NAV3: variants seen among roughly 807,000 people sequenced by gnomAD.
NAV3 encodes the protein neuron navigator 3.
A neutral mutation model predicts 244.7 loss-of-function variants in NAV3; 87 were observed. The observed-to-expected ratio is 0.36, with a 90% CI of 0.30 to 0.42. The LOEUF (loss-of-function observed/expected upper bound fraction) is 0.42, where lower values mean the gene tolerates loss of function less well. Ranked by LOEUF, NAV3 falls within the 20% of genes least tolerant of loss-of-function variation. The probability of loss-of-function intolerance (pLI) is 1.00; values close to 1 mark genes in which losing one functional copy is unlikely to be tolerated. For missense variants in NAV3, 2,663 were observed against 2,893.3 expected (o/e 0.92, Z 1.83); for synonymous variants, 1,126 against 1,042.2 (o/e 1.08, Z -1.55).
intron 9 of NAV3, chr12:78,036,570 G>A (rs1004703329): frequency 1.5e-5 from 4 of 258,066 alleles, no homozygotes; most frequent in Non-Finnish European, 3.0e-5. Context: ...GGCAAACGTA[G>A]TTGGCTTCCT....
chr12:77,712,350 C>T (rs564719933), intron 2 of NAV3, among the ~76,000 whole-genome samples: 2 of 152,094 alleles, frequency 1.3e-5, no homozygotes, highest in Non-Finnish European at 2.9e-5. Context: ...ATTTATTCTC[C>T]TTGTGAGAAT....
intron 5 of NAV3, among the ~76,000 whole-genome samples, chr12:77,993,224 T>C (rs1229666416): frequency 2.0e-5 from 3 of 152,174 alleles, no homozygotes; most frequent in Non-Finnish European, 4.4e-5. Context: ...AAATATATTG[T>C]TTCATTGTCA....
intron 2 of NAV3, among the ~76,000 whole-genome samples, chr12:77,778,576 C>T (rs1024330617): frequency 6.8e-6 from 1 of 147,402 alleles, no homozygotes; most frequent in Non-Finnish European, 1.5e-5. Context: ...CGCGCCACTG[C>T]ACTCCAGCCT....
At chr12:78,175,544 G>A in intron 25 of NAV3, 117 bp downstream of exon 25, 1 of 1,324,318 alleles carries the variant, frequency 7.6e-7, no homozygotes, top group South Asian at 1.3e-5. Context: ...TCAAGCTACT[G>A]AGACCTCAAA....
chr12:78,002,927 CA>C lies in NAV3; in HGVS notation c.881-3489del, dbSNP rs549218716. On this transcript the variant is annotated intron_variant, in intron 7 of 39. Transcript: ENST00000397909. ...TGTTGTTGGTTTATGCATACATGCA[CA>C]AATATTGAGGTGTCCACAAAGTATA... 2.0e-4 allele frequency among the ~76,000 whole-genome samples: 31 copies of C among 151,750 alleles called. No homozygotes were observed. In the East Asian group the frequency reaches 6.1e-3, roughly 30 times the overall value.
intron 2 of NAV3, among the ~76,000 whole-genome samples, chr12:77,782,787 A>G (rs1171023330): frequency 6.6e-6 from 1 of 152,192 alleles, no homozygotes; most frequent in South Asian, 2.1e-4. Context: ...AAAAAATATC[A>G]TGTTGCTATT....
intron 2 of NAV3, among the ~76,000 whole-genome samples, chr12:77,809,292 G>A (rs985081500): frequency 6.6e-6 from 1 of 152,216 alleles, no homozygotes; most frequent in Non-Finnish European, 1.5e-5. Flanking sequence ...ACCCAGGGTC[G>A]TGGTGGTGTA....
chr12:78,076,279 T>A (rs1953046267), intron 12 of NAV3, among the ~76,000 whole-genome samples: 1 of 152,228 alleles, frequency 6.6e-6, no homozygotes, highest in South Asian at 2.1e-4. Context: ...TTCCTTCGTA[T>A]CTCTTATTTA....
At chr12:77,662,159 A>T (rs1213434420) in intron 2 of NAV3, among the ~76,000 whole-genome samples, 1 of 151,932 alleles carries the variant, frequency 6.6e-6, no homozygotes, top group East Asian at 1.9e-4. Context: ...AACGATATTG[A>T]GTCTTGAATC....
chr12:78,175,345 C>T lies in NAV3; in HGVS notation c.5021C>T (p.Ser1674Phe), dbSNP rs372840398. The T allele has an allele frequency of 1.2e-6, 2 of 1,611,552 alleles. No individual in the cohort carries two copies. The highest frequency in any genetic ancestry group is 1.7e-6 in the Non-Finnish European group (2 of 1,178,362). The change falls in exon 25 of 40, where the codon TCT (serine) becomes TTT (phenylalanine). Residue 1674 changes from serine to phenylalanine, a missense_variant. Ser to Phe is a radical substitution (Grantham distance 155, BLOSUM62 -2). Around this residue, in one of 6 missense-constraint regions of NAV3, gnomAD observed 193 missense variants for 200.7 expected, o/e 0.96. Coordinates refer to ENST00000397909, the MANE Select transcript of NAV3 (RefSeq NM_001024383.2). ...AGACAGCATTCCTCTGAAAGTGTTTCTAGTATCAACAGTGCCACAAGCCAT... is the reference window on the plus strand; with the variant it reads ...AGACAGCATTCCTCTGAAAGTGTTTTTAGTATCAACAGTGCCACAAGCCAT... ...IRRQHSSESV[S>F]SINSATSHSS...
intron 12 of NAV3, among the ~76,000 whole-genome samples, chr12:78,083,687 C>T (rs1953477334): frequency 6.6e-6 from 1 of 152,110 alleles, no homozygotes; most frequent in South Asian, 2.1e-4. Context: ...AAAACTTCAC[C>T]TTCTCCATTC....
intron 1 of NAV3, among the ~76,000 whole-genome samples, chr12:77,895,256 T>G (rs2136817684): frequency 6.6e-6 from 1 of 152,010 alleles, no homozygotes; most frequent in South Asian, 2.1e-4. Context: ...CAACAGAAAA[T>G]TAATTGCTAT....
At chr12:78,177,555 T>G (rs940245651) in intron 27 of NAV3, 65 bp from the exon 28 acceptor site, 2 of 1,455,100 alleles carry the variant, frequency 1.4e-6, no homozygotes, top group South Asian at 1.2e-5. Flanking sequence ...GTTTTCTGAA[T>G]CATGATTCTC....
chr12:77,854,587 A>ATGTG (rs111504963), intron 1 of NAV3, among the ~76,000 whole-genome samples: 12,850 of 128,420 alleles, frequency 0.1, 667 homozygotes, highest in South Asian at 0.25. Context: ...GTATGTGTGT[A>ATGTG]TGTGTGTGTG....
At chr12:77,933,845 AT>A (rs1889065318) in intron 1 of NAV3, among the ~76,000 whole-genome samples, 1 of 152,228 alleles carries the variant, frequency 6.6e-6, no homozygotes. Context: ...ACATCTAAAA[AT>A]AGTATGTATT....
At chr12:77,576,970 G>A (rs560124060) in intron 2 of NAV3, among the ~76,000 whole-genome samples, 15 of 152,138 alleles carry the variant, frequency 9.9e-5, no homozygotes, top group Non-Finnish European at 1.5e-4. Flanking sequence ...CCTGAAGCAC[G>A]GCTCTAGTAA....
At chr12:77,581,969 C>T (rs1465833092) in intron 2 of NAV3, among the ~76,000 whole-genome samples, 3 of 152,148 alleles carry the variant, frequency 2.0e-5, no homozygotes, top group African/African-American at 7.2e-5. Context: ...ATGTGAATAG[C>T]AACATACAAT....
chr12:78,009,255 CTTTGAGTTTCTGTTTGACCTCT>C (rs1485123742), intron 8 of NAV3, among the ~76,000 whole-genome samples: 1 of 151,868 alleles, frequency 6.6e-6, no homozygotes, highest in East Asian at 1.9e-4. Context: ...TTGAGAAACT[CTTTGAGTTTCTGTTTGACCTCT>C]TTAACAACAA....
chr12:77,944,458 T>C (rs1156864072), intron 3 of NAV3, among the ~76,000 whole-genome samples: 1 of 151,966 alleles, frequency 6.6e-6, no homozygotes, highest in Non-Finnish European at 1.5e-5. Flanking sequence ...AAGATTATTA[T>C]TATAGAAGCA....
Sources: allele counts gnomAD v4.1 joint callset (sites outside exome capture counted in the v4.1 genomes callset), GRCh38; gene constraint gnomAD v4.1.1; regional missense constraint gnomAD v4.1.1; transcripts MANE v1.5; gene names NCBI Gene and HGNC (gene_info 2026-07-23, HGNC 2026-07-21).